NOX4: variants seen among roughly 807,000 people sequenced by gnomAD.
NOX4 encodes NADPH oxidase 4, also known as kidney oxidase-1.
In NOX4, 69 loss-of-function variants were observed where a neutral mutation model predicts 87.6. The ratio of observed to expected loss-of-function variants is 0.79; its 90% CI spans 0.65 to 0.96. The LOEUF (loss-of-function observed/expected upper bound fraction) is 0.96. Ranked by LOEUF, NOX4 falls within the 40% of genes least tolerant of loss-of-function variation. NOX4 has a pLI of 0.00. For missense variants in NOX4, 680 were observed against 681.5 expected (o/e 1.00, Z 0.02); for synonymous variants, 275 against 238.2 (o/e 1.15, Z -1.42).
chr11:89,403,228 A>G (rs1382351038), intron 8 of NOX4, among the ~76,000 whole-genome samples: 1 of 152,146 alleles, frequency 6.6e-6, no homozygotes, highest in African/African-American at 2.4e-5. Flanking sequence ...AAACCATTCA[A>G]CTTTCTGTGT....
chr11:89,421,314 G>C (rs1179754082), intron 8 of NOX4, among the ~76,000 whole-genome samples: 1 of 152,084 alleles, frequency 6.6e-6, no homozygotes, highest in African/African-American at 2.4e-5. Flanking sequence ...TAAGCACCAT[G>C]TTTTTGAGTA....
At chr11:89,418,476 G>C (rs1057113411) in intron 8 of NOX4, among the ~76,000 whole-genome samples, 1 of 148,966 alleles carries the variant, frequency 6.7e-6, no homozygotes, top group African/African-American at 2.4e-5. Context: ...TTACAGGGTT[G>C]TTAGGAGGAT....
At chr11:89,531,105 G>A in the NOX4 span, among the ~76,000 whole-genome samples, 1 of 152,128 alleles carries the variant, frequency 6.6e-6, no homozygotes, top group Non-Finnish European at 1.5e-5. Context: ...CAATCTAAGA[G>A]TTCTAACACC....
At chr11:89,571,160 T>C in the NOX4 span, among the ~76,000 whole-genome samples, 1 of 152,242 alleles carries the variant, frequency 6.6e-6, no homozygotes, top group Non-Finnish European at 1.5e-5. Context: ...ATGTTAAGCA[T>C]CATTTCTTAC....
chr11:89,491,512 C>A (rs1197307105), upstream of NOX4: 1 of 468,712 alleles, frequency 2.1e-6, no homozygotes, highest in Non-Finnish European at 3.7e-6. Context: ...GCGCTCTGAG[C>A]GCGCGGCCCA....
At chr11:89,501,784 G>A (rs112954952), upstream of NOX4, among the ~76,000 whole-genome samples, 70 of 152,166 alleles carry the variant, frequency 4.6e-4, no homozygotes, top group African/African-American at 1.6e-3. Context: ...ACTGAGAGCA[G>A]AACAAGAGGC....
intron 11 of NOX4, among the ~76,000 whole-genome samples, chr11:89,375,981 A>T: frequency 6.6e-6 from 1 of 152,248 alleles, no homozygotes; most frequent in Non-Finnish European, 1.5e-5. Context: ...TATTTTGCCA[A>T]ATATTCATAT....
intron 8 of NOX4, among the ~76,000 whole-genome samples, chr11:89,412,737 C>T (rs1289629736): frequency 6.6e-6 from 1 of 151,934 alleles, no homozygotes; most frequent in Non-Finnish European, 1.5e-5. Context: ...TAAAAGAAAA[C>T]ACTGGGGAAA....
At chr11:89,580,966 C>T in the NOX4 span, among the ~76,000 whole-genome samples, 1 of 152,228 alleles carries the variant, frequency 6.6e-6, no homozygotes, top group African/African-American at 2.4e-5. Flanking sequence ...TTTTGATGAC[C>T]TTCAGTGGAT....
At chr11:89,482,072 C>A (rs1210666405) in intron 2 of NOX4, among the ~76,000 whole-genome samples, 8 of 151,928 alleles carry the variant, frequency 5.3e-5, no homozygotes, top group Non-Finnish European at 1.2e-4. Context: ...TGATTTTCTT[C>A]TTTGAGGTAA....
chr11:89,484,274 G>A (rs1422846503), intron 2 of NOX4, among the ~76,000 whole-genome samples: 1 of 152,032 alleles, frequency 6.6e-6, no homozygotes, highest in Admixed American at 6.6e-5. Context: ...GTTAAATATT[G>A]AGCCTTAGAA....
chr11:89,468,432 T>G (rs1164186026), intron 2 of NOX4, among the ~76,000 whole-genome samples: 3 of 152,246 alleles, frequency 2.0e-5, no homozygotes, highest in Non-Finnish European at 2.9e-5. Flanking sequence ...CAAAAGGTCA[T>G]TGCCCAGAGC....
At chr11:89,339,922 G>C in intron 15 of NOX4, 141 bp downstream of exon 15, 1 of 471,716 alleles carries the variant, frequency 2.1e-6, no homozygotes, top group Non-Finnish European at 3.8e-6. Context: ...TTATGTTTAA[G>C]AGACTTATTT....
At chr11:89,344,428 T>A (rs1946129189) in intron 13 of NOX4, among the ~76,000 whole-genome samples, 1 of 152,068 alleles carries the variant, frequency 6.6e-6, no homozygotes, top group African/African-American at 2.4e-5. Context: ...CACATGCTTG[T>A]AATCCCAGGT....
chr11:89,422,442 A>AT (rs1943130682), intron 7 of NOX4, among the ~76,000 whole-genome samples: 1 of 152,110 alleles, frequency 6.6e-6, no homozygotes, highest in South Asian at 2.1e-4. Flanking sequence ...AAAGTGTTAT[A>AT]TTTTTTCCTG....
intron 7 of NOX4, among the ~76,000 whole-genome samples, chr11:89,431,321 A>G (rs539437873): frequency 1.3e-5 from 2 of 152,282 alleles, no homozygotes; most frequent in East Asian, 3.9e-4. Flanking sequence ...TAAAACACCA[A>G]AAGCAATGGC....
chr11:89,334,428 A>C (rs1038888775), intron 17 of NOX4, among the ~76,000 whole-genome samples: 13 of 151,802 alleles, frequency 8.6e-5, no homozygotes, highest in Non-Finnish European at 1.2e-4. Context: ...TGTTTTAAAC[A>C]TGACTGTAAT....
chr11:89,506,447 T>C, the NOX4 span, among the ~76,000 whole-genome samples: 4 of 151,806 alleles, frequency 2.6e-5, no homozygotes, highest in East Asian at 1.9e-4. Flanking sequence ...AAATGGATCA[T>C]AGACCTAAAT....
chr11:89,439,897 A>G (rs1449420630), intron 6 of NOX4, among the ~76,000 whole-genome samples: 29 of 152,172 alleles, frequency 1.9e-4, no homozygotes. Context: ...TATTTTAATG[A>G]CTGTTTCTCC....
Sources: gnomAD v4.1 joint callset for allele counts (sites outside exome capture counted in the v4.1 genomes callset) on GRCh38, gnomAD v4.1.1 for gene constraint, MANE v1.5 for transcripts, NCBI Gene and HGNC (gene_info 2026-07-23, HGNC 2026-07-21) for gene names.